CSMD1: variants seen among roughly 807,000 people sequenced by gnomAD.
CSMD1 encodes CUB and sushi domain-containing protein 1.
A neutral mutation model predicts 417.5 loss-of-function variants in CSMD1; 213 were observed. The ratio of observed to expected loss-of-function variants is 0.51; its 90% confidence interval spans 0.46 to 0.57. The LOEUF (loss-of-function observed/expected upper bound fraction) is 0.57. Ranked by LOEUF, CSMD1 falls within the 20% of genes least tolerant of loss-of-function variation. The pLI is 0.00. For synonymous variants in CSMD1, 2,862 were observed against 1,736.8 expected, an observed-to-expected ratio of 1.65 and a Z score of -16.11; for missense variants, 6,923 against 4,529.7, an observed-to-expected ratio of 1.53 and a Z score of -15.17.
chr8:3,348,613 G>A (rs558759583), intron 21 of CSMD1, among the ~76,000 whole-genome samples: 15 of 152,110 alleles, frequency 9.9e-5, no homozygotes, highest in Admixed American at 2.0e-4. Flanking sequence ...CAACTGGGAC[G>A]CATTCAAAGG....
intron 26 of CSMD1, among the ~76,000 whole-genome samples, chr8:3,271,073 C>A (rs1246441206): frequency 2.6e-5 from 3 of 116,626 alleles, no homozygotes; most frequent in Non-Finnish European, 3.5e-5. Flanking sequence ...TGCTGTCCTT[C>A]CCCCCTCCCC....
chr8:3,596,768 GCACACACAAACA>G (rs1563184764), intron 8 of CSMD1, among the ~76,000 whole-genome samples: 1 of 151,788 alleles, frequency 6.6e-6, no homozygotes, highest in Non-Finnish European at 1.5e-5. Context: ...ATAATTCAGG[GCACACACAAACA>G]CACACACTCA....
chr8:4,029,899 A>T (rs1797253603), intron 4 of CSMD1, among the ~76,000 whole-genome samples: 1 of 101,662 alleles, frequency 9.8e-6, no homozygotes, highest in South Asian at 2.8e-4. Flanking sequence ...GAAATTGGTC[A>T]AAACAAAGGG....
intron 3 of CSMD1, among the ~76,000 whole-genome samples, chr8:4,239,421 C>T (rs1802256192): frequency 6.6e-6 from 1 of 152,118 alleles, no homozygotes; most frequent in African/African-American, 2.4e-5. Flanking sequence ...CATCTTAACT[C>T]GTCTTTCTCC....
Position 4,066,971 on chromosome 8 carries a change from G to A in CSMD1, c.416-34872C>T, listed in dbSNP as rs1038599843. 4.6e-5 allele frequency among the ~76,000 whole-genome samples: 7 copies of A among 152,230 alleles called. No homozygotes were observed. In the East Asian group the frequency reaches 1.3e-3, roughly 29 times the overall value. Reference sequence around the variant, plus strand: ...ATACCCTCAGGGTGGAACCTAATGAGTATATTCTAAAGCAACTCCACAACT... The same window carrying A: ...ATACCCTCAGGGTGGAACCTAATGAATATATTCTAAAGCAACTCCACAACT... On this transcript the variant is annotated intron_variant, in intron 3 of 69. Transcript: ENST00000635120.
In CSMD1 at chr8:3,556,392, A is replaced by ATATATATAT. The variant is rs1554468279; in HGVS notation, c.1344+18552_1344+18553insATATATATA. ...AAGATTTTTAAAATTTATAATAATT[A>ATATATATAT]ATATATATATATATATATATATTCA... On this transcript the variant is annotated intron_variant, in intron 10 of 69. Transcript: ENST00000635120. 1.9e-3 allele frequency among the ~76,000 whole-genome samples: 228 copies of ATATATATAT among 120,432 alleles called. 11 individuals carry two copies. The highest frequency in any genetic ancestry group is 5.4e-3 in the South Asian group (20 of 3,696). The allele number at this position is 120,432 out of a possible 152,430, so 79.0% of individuals were successfully genotyped here. A position where few individuals can be genotyped will look rare whatever the true frequency, so the allele number is the denominator to read the frequency against.
chr8:4,340,195 T>C (rs1018367275), intron 3 of CSMD1, among the ~76,000 whole-genome samples: 1 of 152,114 alleles, frequency 6.6e-6, no homozygotes, highest in Non-Finnish European at 1.5e-5. Context: ...AAAAAACTAA[T>C]GACACCTTCG....
intron 4 of CSMD1, among the ~76,000 whole-genome samples, chr8:3,998,597 T>C (rs893848574): frequency 1.3e-5 from 2 of 152,216 alleles, no homozygotes; most frequent in African/African-American, 4.8e-5. Flanking sequence ...GAATTTCAGA[T>C]AGCTATTGAG....
intron 1 of CSMD1, among the ~76,000 whole-genome samples, chr8:4,804,552 G>A (rs562184494): frequency 6.5e-4 from 99 of 151,368 alleles, no homozygotes; most frequent in Non-Finnish European, 1.0e-3. Context: ...AGGGAGGGAG[G>A]AACACTGGGA....
chr8:3,582,969 G>A (rs1157386576), intron 9 of CSMD1, among the ~76,000 whole-genome samples: 3 of 152,130 alleles, frequency 2.0e-5, no homozygotes, highest in Admixed American at 6.5e-5. Flanking sequence ...CTTATTAACT[G>A]ACTAAGTTAA....
intron 5 of CSMD1, among the ~76,000 whole-genome samples, chr8:3,782,436 T>A (rs557154065): frequency 7.2e-4 from 109 of 152,234 alleles, no homozygotes; most frequent in African/African-American, 2.6e-3. Flanking sequence ...CAACCCTGAA[T>A]TCAGGACAGC....
chr8:3,069,366 T>A (rs1478656026), intron 49 of CSMD1, among the ~76,000 whole-genome samples: 1 of 149,854 alleles, frequency 6.7e-6, no homozygotes, highest in African/African-American at 2.5e-5. Flanking sequence ...AACTGGAAGG[T>A]GGAGGTTGCA....
chr8:2,961,006 C>T (rs1051313560), intron 62 of CSMD1, 135 bp downstream of exon 62: 1 of 262,300 alleles, frequency 3.8e-6, no homozygotes, highest in Admixed American at 5.3e-5. Flanking sequence ...ATGTAGAAAT[C>T]CCCTTTGAAC....
At chr8:4,340,945 A>T (rs1800443352) in intron 3 of CSMD1, among the ~76,000 whole-genome samples, 1 of 152,074 alleles carries the variant, frequency 6.6e-6, no homozygotes, top group Non-Finnish European at 1.5e-5. Flanking sequence ...GAGAGAATGT[A>T]GTCTGTACTC....
rs777804765 is a variant in CSMD1 at position 3,290,621 on chromosome 8, CTGTT to C, written c.3951-6279_3951-6276del. 8.8e-5 allele frequency among the ~76,000 whole-genome samples: 13 copies of C among 147,110 alleles called. 1 individual carries two copies. Among genetic ancestry groups the C allele is most frequent in the African/African-American group, 2.2e-4 (8 of 36,948 alleles). On this transcript the variant is annotated intron_variant, in intron 25 of 69. Transcript: ENST00000635120. ...GGGAGTTCACTCATGATTTGGCTCT[CTGTT>C]TGTCTGTTATTGGCGTATGAGAATA...
chr8:3,657,988 A>G (rs902331359), intron 7 of CSMD1, among the ~76,000 whole-genome samples: 19 of 152,158 alleles, frequency 1.2e-4, no homozygotes, highest in African/African-American at 4.6e-4. Context: ...TATATTCTAT[A>G]AAGAGAAGTT....
chr8:3,613,751 C>G (rs1226855738), intron 8 of CSMD1, among the ~76,000 whole-genome samples: 1 of 137,738 alleles, frequency 7.3e-6, no homozygotes, highest in Non-Finnish European at 1.6e-5. Context: ...CAAAAAATTA[C>G]AAACAGAAGG....
intron 26 of CSMD1, among the ~76,000 whole-genome samples, chr8:3,251,244 G>C (rs955109917): frequency 2.6e-5 from 4 of 152,130 alleles, no homozygotes; most frequent in African/African-American, 9.7e-5. Context: ...TTTTGTATAA[G>C]GTGTAAGGAA....
In CSMD1 at chr8:4,845,546, G is replaced by C. The variant is rs140708823; in HGVS notation, c.85+148786C>G. Among the ~76,000 whole-genome samples, 122 of 152,304 alleles carry C rather than the reference G, an allele frequency of 8.0e-4. No homozygotes were observed. The East Asian group carries it at 0.022, about 27-fold the overall frequency. On this transcript the variant is annotated intron_variant, in intron 1 of 69. Transcript: ENST00000635120. ...CGTATTTTGGCCACTGTTGAACTTT[G>C]GCCTACGTGGTTTCTTAGAATTTCT... is the stretch of plus-strand genomic sequence containing the variant.
Sources: allele counts gnomAD v4.1 joint callset (sites outside exome capture counted in the v4.1 genomes callset), GRCh38; gene constraint gnomAD v4.1.1; transcripts MANE v1.5; gene names NCBI Gene and HGNC (gene_info 2026-07-23, HGNC 2026-07-21).